The following CD84 variants were observed in gnomAD, a reference collection of about 807,000 sequenced individuals.
CD84 encodes CD84 molecule.
CD84 carries 22 observed loss-of-function variants against 33.8 expected under a neutral mutation model. The ratio of observed to expected loss-of-function variants is 0.65; its 90% CI spans 0.46 to 0.93. The LOEUF (loss-of-function observed/expected upper bound fraction) is 0.93. Ranked by LOEUF, CD84 falls within the 40% of genes least tolerant of loss-of-function variation. The pLI, the probability that CD84 is intolerant of heterozygous loss-of-function variation, is 0.00. For synonymous variants in CD84, 154 were observed against 145.2 expected, an observed-to-expected ratio of 1.06 and a Z score of -0.44; for missense variants, 400 against 397.6, an observed-to-expected ratio of 1.01 and a Z score of -0.05.
chr1:160,551,063 A>G, intron 4 of CD84, 28 bp from the exon 5 acceptor site: 1 of 1,528,974 alleles, frequency 6.5e-7, no homozygotes, highest in Non-Finnish European at 9.1e-7. Context: ...ATAGACCCAC[A>G]GTCTGTGAAA....
In CD84 at chr1:160,543,164, AATTAATAT is replaced by A. The variant is rs1331900788; in HGVS notation, c.*5084_*5091del. 1 of 152,198 alleles carries A rather than the reference AATTAATAT, an allele frequency of 6.6e-6. No individual in the cohort carries two copies. Among genetic ancestry groups the A allele is most frequent in the African/African-American group, 2.4e-5 (1 of 41,448 alleles). 9.4% of individuals were successfully genotyped at this position (152,198 alleles called of 1,614,324 possible). ...TGAGTGGTTATCCAGATAGCAATGGAATTAATATATTAATATATTTACTTTGAGCTGCT... is the reference window on the plus strand; with the variant it reads ...TGAGTGGTTATCCAGATAGCAATGGAATTAATATATTTACTTTGAGCTGCT... On this transcript the variant is annotated 3_prime_UTR_variant, in exon 7 of 7. Transcript: ENST00000368054.
chr1:160,572,654 C>T lies in CD84; in HGVS notation c.46+6738G>A, dbSNP rs80240315. On this transcript the variant is annotated intron_variant, in intron 1 of 6. Transcript: ENST00000368054. ...ATGAAGGGGATCAAGTGTTTGCTAA[C>T]TACCCTTGAGAGCCCAGTGAAGAAG... 6.2e-3 allele frequency among the ~76,000 whole-genome samples: 942 copies of T among 152,146 alleles called. 4 individuals are homozygous for T. The highest frequency in any genetic ancestry group is 0.014 in the Middle Eastern group (4 of 292).
intron 4 of CD84, among the ~76,000 whole-genome samples, chr1:160,552,296 T>C (rs1342814853): frequency 6.6e-6 from 1 of 152,220 alleles, no homozygotes; most frequent in African/African-American, 2.4e-5. Context: ...TCAAGCAGGC[T>C]ATGCCTTCTC....
chr1:160,541,452 AATACC>A lies in CD84; in HGVS notation c.*6799_*6803del, dbSNP rs1405527033. ...TAGCCAGTTGGAGAGAGAGCTAAGA[AATACC>A]ATATCTATATAATTATCAGAGAATG... On this transcript the variant is annotated 3_prime_UTR_variant, in exon 7 of 7. Coordinates refer to ENST00000368054, the MANE Select transcript of CD84 (RefSeq NM_003874.4). 1 of 152,262 alleles carries A rather than the reference AATACC, an allele frequency of 6.6e-6. No homozygotes were observed. Among genetic ancestry groups the A allele is most frequent in the Non-Finnish European group, 1.5e-5 (1 of 68,038 alleles). The allele number at this position is 152,262 out of a possible 1,614,324, so 9.4% of individuals were successfully genotyped here.
chr1:160,568,930 C>G (rs1190856318), intron 1 of CD84, among the ~76,000 whole-genome samples: 4 of 152,208 alleles, frequency 2.6e-5, no homozygotes. Context: ...TCAGTTTCTT[C>G]ATCCATAGAA....
intron 1 of CD84, among the ~76,000 whole-genome samples, chr1:160,575,167 C>T (rs1424342328): frequency 6.6e-6 from 1 of 152,022 alleles, no homozygotes; most frequent in Non-Finnish European, 1.5e-5. Flanking sequence ...CCCACTGCCT[C>T]CTAGAGTCAA....
chr1:160,550,812 G>C, intron 5 of CD84, 126 bp downstream of exon 5: 1 of 1,537,768 alleles, frequency 6.5e-7, no homozygotes, highest in Non-Finnish European at 8.7e-7. Context: ...GTATTTCCTG[G>C]TTGGAACCTC....
chr1:160,574,783 A>G (rs1373178720), intron 1 of CD84, among the ~76,000 whole-genome samples: 1 of 152,186 alleles, frequency 6.6e-6, no homozygotes, highest in Non-Finnish European at 1.5e-5. Context: ...ATATTAGCAC[A>G]TTGGTGAAGG....
chr1:160,569,534 ACACACACGCACG>A (rs965295977), intron 1 of CD84, among the ~76,000 whole-genome samples: 10 of 87,658 alleles, frequency 1.1e-4, no homozygotes, highest in Non-Finnish European at 3.0e-4. Flanking sequence ...ACACACACAC[ACACACACGCACG>A]CACGCACGCA....
chr1:160,568,778 G>A (rs541876279), intron 1 of CD84, among the ~76,000 whole-genome samples: 15 of 152,126 alleles, frequency 9.9e-5, no homozygotes, highest in African/African-American at 2.4e-4. Context: ...ATGCCATCAC[G>A]GCTAGCTAGT....
rs374045664 is a variant in CD84 at position 160,573,177 on chromosome 1, G to A, written c.46+6215C>T. 5.9e-5 allele frequency among the ~76,000 whole-genome samples: 9 copies of A among 152,230 alleles called. No individual in the cohort carries two copies. In the East Asian group the frequency reaches 1.5e-3, roughly 26 times the overall value. ...ACAAAAAACAAATAGAAAAGAATCA[G>A]AAACCCATATATATAGATTGTATAA... is the stretch of plus-strand genomic sequence containing the variant. On this transcript the variant is annotated intron_variant, in intron 1 of 6. Transcript: ENST00000368054.
intron 1 of CD84, among the ~76,000 whole-genome samples, chr1:160,570,300 A>G (rs892637745): frequency 3.3e-5 from 5 of 152,224 alleles, no homozygotes; most frequent in Non-Finnish European, 7.3e-5. Context: ...GGACCATGTA[A>G]GTAAGCTCTT....
In CD84 at chr1:160,547,842, A is replaced by T. The variant is rs1655923447; in HGVS notation, c.*414T>A. The T allele has an allele frequency of 1.3e-5, 3 of 224,904 alleles. No homozygotes were observed. Among genetic ancestry groups the T allele is most frequent in the Non-Finnish European group, 2.7e-5 (3 of 112,336 alleles). The allele number at this position is 224,904 out of a possible 1,614,324, so 13.9% of individuals were successfully genotyped here. A position where few individuals can be genotyped will look rare whatever the true frequency, so the allele number is the denominator to read the frequency against. On this transcript the variant is annotated 3_prime_UTR_variant, in exon 7 of 7. Coordinates refer to ENST00000368054, the MANE Select transcript of CD84 (RefSeq NM_003874.4). ...GCCATGGCCTATTACAGGTGTGCAA[A>T]ATATTGATCCCCTTCTCCCACAGTT...
chr1:160,570,576 G>T (rs1405153110), intron 1 of CD84, among the ~76,000 whole-genome samples: 2 of 152,156 alleles, frequency 1.3e-5, no homozygotes, highest in Non-Finnish European at 2.9e-5. Context: ...TAAGAAGAGT[G>T]GGAACCTGGC....
chr1:160,550,081 T>A (rs1354039783), intron 5 of CD84, 102 bp from the exon 6 acceptor site: 5 of 833,184 alleles, frequency 6.0e-6, no homozygotes, highest in Non-Finnish European at 1.0e-5. Flanking sequence ...TGGTCCCACA[T>A]TTACTGGGTG....
At chr1:160,566,497 G>C (rs1173855861) in intron 1 of CD84, among the ~76,000 whole-genome samples, 1 of 152,170 alleles carries the variant, frequency 6.6e-6, no homozygotes, top group Non-Finnish European at 1.5e-5. Flanking sequence ...TTCAGGATCA[G>C]TTTTGCTCCA....
At chr1:160,566,131 A>G (rs1020655538) in intron 1 of CD84, among the ~76,000 whole-genome samples, 2 of 152,132 alleles carry the variant, frequency 1.3e-5, no homozygotes, top group African/African-American at 4.8e-5. Context: ...TAGAACAAGA[A>G]CCTGGAATAT....
At position 160,579,410 on chromosome 1, in the gene CD84, G is replaced by A; in HGVS notation, c.28C>T (p.Leu10Phe). The A allele has an allele frequency of 6.2e-7, 1 of 1,613,256 alleles. No homozygotes were observed. Among genetic ancestry groups the A allele is most frequent in the Non-Finnish European group, 8.5e-7 (1 of 1,179,420 alleles). The change falls in exon 1 of 7, where the codon CTC (leucine) becomes TTC (phenylalanine). Residue 10 changes from leucine to phenylalanine, a missense_variant. By Grantham distance (22) the Leu-to-Phe change is conservative. Transcript: ENST00000368054. ...AACTCACAGGTTTGCAGGCAAAGGA[G>A]CAAGATCCATAGGTGGTGCTGAGCC... is the stretch of plus-strand genomic sequence containing the variant. MAQHHLWIL[L>F]LCLQTWPEAA... is the part of the protein sequence containing the mutation.
intron 2 of CD84, 149 bp from the exon 3 acceptor site, chr1:160,554,295 A>C (rs1656456295): frequency 1.1e-6 from 1 of 925,102 alleles, no homozygotes; most frequent in Non-Finnish European, 1.5e-6. Context: ...TTAAAAATAA[A>C]GATAATAAAT....
Sources: gnomAD v4.1 joint callset for allele counts (sites outside exome capture counted in the v4.1 genomes callset) on GRCh38, gnomAD v4.1.1 for gene constraint, MANE v1.5 for transcripts, NCBI Gene and HGNC (gene_info 2026-07-23, HGNC 2026-07-21) for gene names.